Variants in ASAP2 observed in about 807,000 individuals in gnomAD.
ASAP2 encodes ArfGAP with SH3 domain, ankyrin repeat and PH domain 2.
Under a neutral mutation model 131.4 loss-of-function variants are expected in ASAP2, and 45 were observed. That is an observed-to-expected ratio of 0.34 (90% CI 0.27 to 0.44). The LOEUF (loss-of-function observed/expected upper bound fraction) is 0.44, where lower values mean the gene tolerates loss of function less well. Among genes scored for constraint, ASAP2 ranks in the 20% least tolerant of loss-of-function variants. ASAP2 has a pLI of 1.00. For synonymous variants in ASAP2, 510 were observed against 503.0 expected (o/e 1.01, Z -0.19); for missense variants, 1,011 against 1,297.0 (o/e 0.78, Z 3.39).
chr2:9,384,427 A>G (rs1675101590), intron 20 of ASAP2, among the ~76,000 whole-genome samples: 1 of 152,102 alleles, frequency 6.6e-6, no homozygotes, highest in Admixed American at 6.5e-5. Flanking sequence ...TCAATTAGAC[A>G]CTATCTACTT....
At position 9,268,620 on chromosome 2, in the gene ASAP2, C is replaced by A. The variant is rs1011037846; in HGVS notation, c.127-10697C>A. On this transcript the variant is annotated intron_variant, in intron 1 of 27. Coordinates refer to ENST00000281419, the MANE Select transcript of ASAP2 (RefSeq NM_003887.3). The surrounding 1 kb of genome is among the most constrained non-coding windows in gnomAD (Gnocchi z 4.1). ...CTGTTACTTTCTGAAGAGTCGAATG[C>A]GTGGTGAGACAAAGCTGCCATCTGA... 1.3e-5 allele frequency among the ~76,000 whole-genome samples: 2 copies of A among 152,220 alleles called. No homozygotes were observed. Among genetic ancestry groups the A allele is most frequent in the African/African-American group, 4.8e-5 (2 of 41,464 alleles).
chr2:9,364,719 ACTGT>A, intron 15 of ASAP2, among the ~76,000 whole-genome samples: 1 of 152,338 alleles, frequency 6.6e-6, no homozygotes, highest in East Asian at 1.9e-4. Flanking sequence ...ACGACTTACA[ACTGT>A]CTTCTAAGTT....
chr2:9,251,499 G>A (rs2666212), intron 1 of ASAP2, among the ~76,000 whole-genome samples: 47,745 of 151,950 alleles, frequency 0.31, 8,643 homozygotes, highest in African/African-American at 0.5. Context: ...CCTGATGTCC[G>A]TCGGGTGGGT....
intron 1 of ASAP2, among the ~76,000 whole-genome samples, chr2:9,240,122 A>T (rs182945867): frequency 1.3e-5 from 2 of 152,146 alleles, no homozygotes; most frequent in Non-Finnish European, 2.9e-5. Flanking sequence ...TAAATACTGA[A>T]GCCCCATTAT....
At position 9,244,923 on chromosome 2, in the gene ASAP2, G is replaced by T. The variant is rs191607252; in HGVS notation, c.127-34394G>T. Among the ~76,000 whole-genome samples the T allele has an allele frequency of 6.0e-4, 91 of 152,308 alleles. 1 individual carries two copies. Among genetic ancestry groups the T allele is most frequent in the African/African-American group, 2.1e-3 (87 of 41,572 alleles). ...AACTTAGTTACTTAGCCTTTCTGCG[G>T]AGAATAATTGCTTATTTGACAGGGT... On this transcript the variant is annotated intron_variant, in intron 1 of 27. Transcript: ENST00000281419.
intron 1 of ASAP2, among the ~76,000 whole-genome samples, chr2:9,270,420 T>C (rs1666257340): frequency 6.6e-6 from 1 of 152,024 alleles, no homozygotes; most frequent in Non-Finnish European, 1.5e-5. Context: ...AAGATTTCAG[T>C]ATTTTTTTTT....
chr2:9,227,655 T>C (rs1413759913), intron 1 of ASAP2, among the ~76,000 whole-genome samples: 2 of 152,206 alleles, frequency 1.3e-5, no homozygotes, highest in Non-Finnish European at 2.9e-5. Context: ...TTACAGCTCT[T>C]GTTCAATGAA....
chr2:9,297,547 T>C lies in ASAP2; in HGVS notation c.345+102T>C, dbSNP rs1668224128. Reference sequence around the variant, plus strand: ...TTTGATAAACTAGGAATGCATTTCATAGTTCCTTGGGTACCCAAAAGAATT... The same window carrying C: ...TTTGATAAACTAGGAATGCATTTCACAGTTCCTTGGGTACCCAAAAGAATT... On this transcript the variant is annotated intron_variant, in intron 3 of 27. Coordinates refer to ENST00000281419, the MANE Select transcript of ASAP2 (RefSeq NM_003887.3). 7.9e-6 allele frequency: 11 copies of C among 1,399,480 alleles called. No individual in the cohort carries two copies. In the Admixed American group the frequency reaches 2.1e-4, roughly 26 times the overall value. The allele number at this position is 1,399,480 out of a possible 1,614,324, so 86.7% of individuals were successfully genotyped here.
At chr2:9,282,376 A>T (rs1055224380) in intron 2 of ASAP2, among the ~76,000 whole-genome samples, 1 of 152,214 alleles carries the variant, frequency 6.6e-6, no homozygotes, top group African/African-American at 2.4e-5. Context: ...AGGAAACGTG[A>T]TACTTTCTCC....
chr2:9,225,749 A>T (rs1238129145), intron 1 of ASAP2, among the ~76,000 whole-genome samples: 2 of 152,192 alleles, frequency 1.3e-5, no homozygotes, highest in Admixed American at 6.5e-5. Flanking sequence ...AGCATTGGCC[A>T]CTGCCGTGGG....
chr2:9,371,426 A>G (rs192779945), intron 16 of ASAP2, among the ~76,000 whole-genome samples: 2 of 152,340 alleles, frequency 1.3e-5, no homozygotes, highest in Non-Finnish European at 1.5e-5. Context: ...ACCAGTGACT[A>G]TTTAATGAAT....
At chr2:9,378,178 G>A (rs1353028598) in intron 18 of ASAP2, among the ~76,000 whole-genome samples, 1 of 152,132 alleles carries the variant, frequency 6.6e-6, no homozygotes, top group Non-Finnish European at 1.5e-5. Flanking sequence ...GAAGCAGCAG[G>A]TGCCACTTCC....
intron 1 of ASAP2, among the ~76,000 whole-genome samples, chr2:9,262,918 G>A (rs1409246214): frequency 1.3e-5 from 2 of 152,194 alleles, no homozygotes; most frequent in East Asian, 3.8e-4. Context: ...CCTCTCCCCT[G>A]TTTATTTGAC....
intron 1 of ASAP2, among the ~76,000 whole-genome samples, chr2:9,275,088 T>G (rs1158827934): frequency 6.7e-6 from 1 of 150,302 alleles, no homozygotes; most frequent in Non-Finnish European, 1.5e-5. Context: ...GTCTGTTTTT[T>G]TTTTTTTTTT....
At chr2:9,302,050 C>T (rs1668514395) in intron 3 of ASAP2, among the ~76,000 whole-genome samples, 1 of 151,002 alleles carries the variant, frequency 6.6e-6, no homozygotes, top group African/African-American at 2.4e-5. Flanking sequence ...GTCTCGATCT[C>T]CTGACCTCGT....
At position 9,279,335 on chromosome 2, in the gene ASAP2, A is replaced by T. The variant is rs1666974115; in HGVS notation, c.145A>T (p.Met49Leu). The T allele has an allele frequency of 6.2e-7, 1 of 1,614,020 alleles. No homozygotes were observed. The highest frequency in any genetic ancestry group is 1.3e-5 in the African/African-American group (1 of 74,910). Reference protein sequence around the residue: ...AIEEALDVDRMVLYKMKKSVK... With the variant: ...AIEEALDVDRLVLYKMKKSVK... ...ATTTTAGGCTTTGGACGTGGACCGG[A>T]TGGTTCTTTACAAAATGAAGAAATC... The change falls in exon 2 of 28, where the codon ATG (methionine) becomes TTG (leucine). Residue 49 changes from methionine to leucine, a missense_variant. This residue lies in a region of ASAP2 where 359 missense variants were observed against 598.1 expected (regional missense o/e 0.60). Transcript: ENST00000281419.
At chr2:9,375,263 A>G (rs1463666767) in intron 17 of ASAP2, among the ~76,000 whole-genome samples, 1 of 150,880 alleles carries the variant, frequency 6.6e-6, no homozygotes, top group Non-Finnish European at 1.5e-5. Context: ...AGCCTGGCCG[A>G]CAGAGTGAGA....
At position 9,369,226 on chromosome 2, in the gene ASAP2, C is replaced by T. The variant is rs189440789; in HGVS notation, c.1556+707C>T. Among the ~76,000 whole-genome samples, 711 of 152,266 alleles carry T rather than the reference C, an allele frequency of 4.7e-3. 7 individuals carry two copies. The highest frequency in any genetic ancestry group is 0.016 in the African/African-American group (676 of 41,554). ...TAGAGACAGAGTTTCACCATGTTGG[C>T]CAGGCTGGACTCGAACTCCTGACCT... On this transcript the variant is annotated intron_variant, in intron 16 of 27. Coordinates refer to ENST00000281419, the MANE Select transcript of ASAP2 (RefSeq NM_003887.3).
intron 2 of ASAP2, among the ~76,000 whole-genome samples, chr2:9,280,361 G>T (rs189683874): frequency 7.3e-6 from 1 of 136,718 alleles, no homozygotes; most frequent in East Asian, 2.5e-4. Flanking sequence ...CCCCCCCACC[G>T]CCCCCACCAG....
Sources: allele counts gnomAD v4.1 joint callset (sites outside exome capture counted in the v4.1 genomes callset), GRCh38; gene constraint gnomAD v4.1.1; regional missense constraint gnomAD v4.1.1; non-coding constraint Gnocchi (gnomAD v3.1); transcripts MANE v1.5; gene names NCBI Gene and HGNC (gene_info 2026-07-23, HGNC 2026-07-21).